USP25: variants seen among roughly 807,000 people sequenced by gnomAD.
USP25 encodes ubiquitin carboxyl-terminal hydrolase 25.
Under a neutral mutation model 158.5 loss-of-function variants are expected in USP25, and 85 were observed. That is an observed-to-expected ratio of 0.54 (90% CI 0.45 to 0.64). USP25 has a LOEUF of 0.64. USP25 is among the 30% of genes least tolerant of loss of function. The pLI, the probability that USP25 is intolerant of heterozygous loss-of-function variation, is 0.00. For synonymous variants in USP25, 464 were observed against 460.4 expected (o/e 1.01, Z -0.10); for missense variants, 1,242 against 1,327.3 (o/e 0.94, Z 1.00).
chr21:15,878,062 A>C (rs1455156651), intron 25 of USP25, 71 bp downstream of exon 25: 2 of 1,263,198 alleles, frequency 1.6e-6, no homozygotes, highest in Non-Finnish European at 2.2e-6. Flanking sequence ...GATGTTATTT[A>C]TTCTTGCCAT....
chr21:15,782,077 G>A (rs1292323624), intron 4 of USP25, among the ~76,000 whole-genome samples: 1 of 152,212 alleles, frequency 6.6e-6, no homozygotes, highest in East Asian at 1.9e-4. Flanking sequence ...TAGGCTCAAA[G>A]GCACAACTGG....
chr21:15,797,294 G>C (rs1236616747), intron 5 of USP25, among the ~76,000 whole-genome samples: 1 of 151,218 alleles, frequency 6.6e-6, no homozygotes, highest in South Asian at 2.1e-4. Flanking sequence ...GAATCAAATA[G>C]TATAAACATA....
chr21:15,873,712 C>T (rs772156103), intron 23 of USP25, among the ~76,000 whole-genome samples: 1 of 151,946 alleles, frequency 6.6e-6, no homozygotes, highest in Non-Finnish European at 1.5e-5. Flanking sequence ...AGGCTGGTCT[C>T]GAACTCCCTA....
chr21:15,869,072 C>T (rs936329973), intron 22 of USP25, among the ~76,000 whole-genome samples: 1 of 151,844 alleles, frequency 6.6e-6, no homozygotes, highest in African/African-American at 2.4e-5. Flanking sequence ...ATAGCAAGAC[C>T]CTGTCTATAC....
At chr21:15,760,245 A>G (rs1290349792) in intron 1 of USP25, among the ~76,000 whole-genome samples, 1 of 152,212 alleles carries the variant, frequency 6.6e-6, no homozygotes, top group Non-Finnish European at 1.5e-5. Flanking sequence ...GGGGCTTGTT[A>G]AAGAAGTCTC....
At chr21:15,803,592 A>G (rs1169826824) in intron 6 of USP25, among the ~76,000 whole-genome samples, 1 of 151,894 alleles carries the variant, frequency 6.6e-6, no homozygotes, top group Non-Finnish European at 1.5e-5. Flanking sequence ...CTAGGAAGCA[A>G]TTTACTTTTC....
chr21:15,851,891 G>A (rs2038904901), intron 20 of USP25, among the ~76,000 whole-genome samples: 1 of 151,904 alleles, frequency 6.6e-6, no homozygotes, highest in Non-Finnish European at 1.5e-5. Context: ...GATTCCCTTT[G>A]CATCCTTTCC....
intron 1 of USP25, among the ~76,000 whole-genome samples, chr21:15,753,293 G>C (rs552297394): frequency 6.6e-6 from 1 of 152,168 alleles, no homozygotes; most frequent in African/African-American, 2.4e-5. Context: ...TGCATGTTGC[G>C]AGGGTCTGTC....
rs2039731433 is a variant in USP25 at position 15,868,030 on chromosome 21, G to C, written c.2805+1686G>C. On this transcript the variant is annotated intron_variant, in intron 22 of 25. Transcript: ENST00000400183. ...CTGAAAAATGTTACGGAAATGCAAA[G>C]ATCCCAGTCCACCTCCCATCTCTGA... is the stretch of plus-strand genomic sequence containing the variant. Among the ~76,000 whole-genome samples the C allele has an allele frequency of 1.3e-5, 2 of 152,102 alleles. 1 individual carries two copies. The highest frequency in any genetic ancestry group is 4.2e-4 in the South Asian group (2 of 4,816).
chr21:15,821,410 T>G (rs2037229290), intron 10 of USP25, among the ~76,000 whole-genome samples: 1 of 151,928 alleles, frequency 6.6e-6, no homozygotes, highest in Admixed American at 6.6e-5. Flanking sequence ...CCTTGCGCAC[T>G]TAGGAATGAA....
intron 3 of USP25, among the ~76,000 whole-genome samples, chr21:15,777,334 C>T (rs1048420473): frequency 6.6e-6 from 1 of 152,072 alleles, no homozygotes; most frequent in Non-Finnish European, 1.5e-5. Context: ...ATACTTCTTC[C>T]TCCTATAACT....
chr21:15,731,524 T>A (rs1180217018), intron 1 of USP25, among the ~76,000 whole-genome samples: 1 of 152,230 alleles, frequency 6.6e-6, no homozygotes, highest in Non-Finnish European at 1.5e-5. Context: ...ATGGGCTGTC[T>A]ACATACAGCC....
At position 15,766,047 on chromosome 21, in the gene USP25, T is replaced by C; in HGVS notation, c.174T>C (p.Asn58=). The C allele has an allele frequency of 6.2e-7, 1 of 1,610,820 alleles. No individual in the cohort carries two copies. Among genetic ancestry groups the C allele is most frequent in the Non-Finnish European group, 8.5e-7 (1 of 1,178,186 alleles). Residue 58 remains asparagine, a synonymous_variant, in exon 3 of 26, where the codon AAT becomes AAC. Transcript: ENST00000400183. This position sits in a 1 kb window ranked among gnomAD's most constrained non-coding sequence, Gnocchi z 4.0. ...ELAVAFLTAK[N]AKTPQQEETT... Reference sequence around the variant, plus strand: ...CAGTGGCTTTCCTTACTGCGAAGAATGCTAAGACCCCTCAGCAGGAGGAGA... The same window carrying C: ...CAGTGGCTTTCCTTACTGCGAAGAACGCTAAGACCCCTCAGCAGGAGGAGA...
intron 1 of USP25, chr21:15,744,005 C>T (rs1287108766): frequency 6.4e-6 from 1 of 155,500 alleles, no homozygotes; most frequent in Non-Finnish European, 1.5e-5. Context: ...GTGGAACTTA[C>T]AGAACTGACA....
chr21:15,823,343 T>G (rs2037330796), intron 10 of USP25, among the ~76,000 whole-genome samples: 2 of 151,840 alleles, frequency 1.3e-5, no homozygotes, highest in Admixed American at 1.3e-4. Context: ...TACCAAAGCA[T>G]GTATGGGGAT....
intron 3 of USP25, among the ~76,000 whole-genome samples, chr21:15,767,377 C>G (rs1023879664): frequency 2.6e-5 from 4 of 152,022 alleles, no homozygotes; most frequent in African/African-American, 7.2e-5. Flanking sequence ...AATGTTTTTC[C>G]TGGCCTCTAG....
In USP25 at chr21:15,804,030, GTTA is replaced by G. The variant is rs559412909; in HGVS notation, c.643-1086_643-1084del. Among the ~76,000 whole-genome samples, 637 of 152,016 alleles carry G rather than the reference GTTA, an allele frequency of 4.2e-3. 7 individuals are homozygous for G. Among genetic ancestry groups the G allele is most frequent in the African/African-American group, 0.014 (595 of 41,504 alleles). On this transcript the variant is annotated intron_variant, in intron 6 of 25. Transcript: ENST00000400183. ...TATCTAAATTTTTTCCGTTAAAATT[GTTA>G]TTATAAGAACTAAATATTATAAGAA...
At chr21:15,866,236 C>T in intron 21 of USP25, 30 bp from the exon 22 acceptor site, 1 of 1,500,330 alleles carries the variant, frequency 6.7e-7, no homozygotes, top group Non-Finnish European at 9.1e-7. Context: ...CACATACACA[C>T]ACGCTCATAT....
At chr21:15,769,022 T>G (rs1000290641) in intron 3 of USP25, among the ~76,000 whole-genome samples, 4 of 152,098 alleles carry the variant, frequency 2.6e-5, no homozygotes, top group African/African-American at 9.7e-5. Context: ...ATGGACTGTT[T>G]CTTTTAGAAG....
Sources: gnomAD v4.1 joint callset for allele counts (sites outside exome capture counted in the v4.1 genomes callset) on GRCh38, gnomAD v4.1.1 for gene constraint, Gnocchi (gnomAD v3.1) non-coding constraint, MANE v1.5 for transcripts, NCBI Gene and HGNC (gene_info 2026-07-23, HGNC 2026-07-21) for gene names.